CSMD2: variants seen among roughly 807,000 people sequenced by gnomAD.
CSMD2 encodes CUB and sushi domain-containing protein 2.
A neutral mutation model predicts 398.5 loss-of-function variants in CSMD2; 130 were observed. That is an observed-to-expected ratio of 0.33 (90% CI 0.28 to 0.38). The LOEUF (loss-of-function observed/expected upper bound fraction) is 0.38, where lower values mean the gene tolerates loss of function less well. Ranked by LOEUF, CSMD2 falls within the 10% of genes least tolerant of loss-of-function variation. CSMD2 has a pLI of 1.00. For missense variants in CSMD2, 3,829 were observed against 4,764.9 expected, an observed-to-expected ratio of 0.80 and a Z score of 5.78; for synonymous variants, 1,828 against 1,908.5, an observed-to-expected ratio of 0.96 and a Z score of 1.10.
intron 1 of CSMD2, among the ~76,000 whole-genome samples, chr1:34,146,722 GGAAGATGCATGACTGT>G (rs1446265980): frequency 6.6e-6 from 1 of 152,210 alleles, no homozygotes; most frequent in African/African-American, 2.4e-5. Flanking sequence ...TTCTGGCTTA[GGAAGATGCATGACTGT>G]GAAGATGCAT....
rs116757709 is a variant in CSMD2 at position 34,068,669 on chromosome 1, C to A, written c.404+20308G>T. On this transcript the variant is annotated intron_variant, in intron 2 of 70. Transcript: ENST00000373381. Reference sequence around the variant, plus strand: ...GTAACTGAGAACTGAACTCAGTTCCCCAAGATGTTGGTAATGGTTTGGCTG... The same window carrying A: ...GTAACTGAGAACTGAACTCAGTTCCACAAGATGTTGGTAATGGTTTGGCTG... 3.1e-3 allele frequency among the ~76,000 whole-genome samples: 473 copies of A among 152,256 alleles called. 1 individual carries two copies. Among genetic ancestry groups the A allele is most frequent in the African/African-American group, 0.011 (454 of 41,544 alleles).
At chr1:33,828,185 C>T (rs1315277896) in intron 6 of CSMD2, among the ~76,000 whole-genome samples, 1 of 152,210 alleles carries the variant, frequency 6.6e-6, no homozygotes, top group Non-Finnish European at 1.5e-5. Flanking sequence ...CCATGTGTAT[C>T]CAGCAGGAAA....
intron 60 of CSMD2, among the ~76,000 whole-genome samples, chr1:33,539,699 A>G (rs904106734): frequency 6.6e-6 from 1 of 152,144 alleles, no homozygotes; most frequent in Non-Finnish European, 1.5e-5. Context: ...ACCATAATTC[A>G]TTGTTAAAAG....
chr1:33,591,146 G>A lies in CSMD2; in HGVS notation c.6857-3978C>T, dbSNP rs149687310. On this transcript the variant is annotated intron_variant, in intron 44 of 70. Transcript: ENST00000373381. ...TGGGATTACAGGCATGCGCCACCAC[G>A]TCTGGCTAATTTTGTATTTTTAATA... Among the ~76,000 whole-genome samples, 875 of 151,782 alleles carry A rather than the reference G, an allele frequency of 5.8e-3. 11 individuals carry two copies. Among genetic ancestry groups the A allele is most frequent in the African/African-American group, 0.02 (821 of 41,386 alleles).
At chr1:33,631,920 G>A (rs2148903823) in intron 32 of CSMD2, among the ~76,000 whole-genome samples, 1 of 152,124 alleles carries the variant, frequency 6.6e-6, no homozygotes, top group South Asian at 2.1e-4. Context: ...GGGACTTATA[G>A]TACCATGTAT....
intron 3 of CSMD2, among the ~76,000 whole-genome samples, chr1:34,013,906 T>C (rs1164162815): frequency 6.6e-6 from 1 of 152,118 alleles, no homozygotes; most frequent in Non-Finnish European, 1.5e-5. Flanking sequence ...GTTCCTCCCA[T>C]ATTCCTGGCA....
At chr1:33,736,368 C>T (rs1450449752) in intron 15 of CSMD2, among the ~76,000 whole-genome samples, 1 of 151,750 alleles carries the variant, frequency 6.6e-6, no homozygotes, top group African/African-American at 2.4e-5. Flanking sequence ...GTAGTCCCAG[C>T]TACTTGGGAG....
intron 13 of CSMD2, among the ~76,000 whole-genome samples, chr1:33,755,412 A>C (rs2149284271): frequency 6.6e-6 from 1 of 152,336 alleles, no homozygotes; most frequent in African/African-American, 2.4e-5. Context: ...GGGCAAAGCT[A>C]GTTACTGGGC....
At chr1:33,738,363 G>A (rs963953493) in intron 15 of CSMD2, among the ~76,000 whole-genome samples, 14 of 152,052 alleles carry the variant, frequency 9.2e-5, no homozygotes, top group East Asian at 1.9e-4. Context: ...CACCTATTCC[G>A]TGCCAGGTAC....
intron 3 of CSMD2, among the ~76,000 whole-genome samples, chr1:33,969,663 A>G (rs1442837385): frequency 2.6e-5 from 4 of 152,332 alleles, no homozygotes; most frequent in African/African-American, 9.6e-5. Context: ...AATTAATGAA[A>G]AGGCAGAAAT....
chr1:33,877,783 G>T (rs1382006046), intron 5 of CSMD2, among the ~76,000 whole-genome samples: 1 of 152,048 alleles, frequency 6.6e-6, no homozygotes, highest in Non-Finnish European at 1.5e-5. Context: ...AGAAGAGAGA[G>T]ATGTTAAGTT....
At chr1:34,150,244 C>T (rs1224473373) in intron 1 of CSMD2, among the ~76,000 whole-genome samples, 3 of 151,788 alleles carry the variant, frequency 2.0e-5, no homozygotes, top group Non-Finnish European at 4.4e-5. Context: ...GCCACCACAC[C>T]CAGCTAATAT....
intron 39 of CSMD2, among the ~76,000 whole-genome samples, chr1:33,616,520 G>A (rs1005488453): frequency 6.6e-6 from 1 of 152,222 alleles, no homozygotes; most frequent in African/African-American, 2.4e-5. Context: ...TTACAGGCAT[G>A]AGCCACTGCA....
At chr1:34,042,354 A>G (rs2148191059) in intron 2 of CSMD2, among the ~76,000 whole-genome samples, 1 of 152,362 alleles carries the variant, frequency 6.6e-6, no homozygotes, top group Non-Finnish European at 1.5e-5. Context: ...CCCAAGGTCA[A>G]ATTGGCATGT....
intron 41 of CSMD2, among the ~76,000 whole-genome samples, chr1:33,610,557 T>C (rs1376364111): frequency 6.6e-6 from 1 of 152,166 alleles, no homozygotes; most frequent in Non-Finnish European, 1.5e-5. Context: ...GTGAGTGTGG[T>C]TGGGCCTCAC....
intron 1 of CSMD2, among the ~76,000 whole-genome samples, chr1:34,137,936 T>C (rs941160776): frequency 1.6e-4 from 24 of 152,208 alleles, no homozygotes; most frequent in African/African-American, 5.5e-4. Flanking sequence ...AGTCTGACTC[T>C]AAAGCTTCAG....
chr1:33,803,772 T>C (rs1453416501), intron 10 of CSMD2, among the ~76,000 whole-genome samples: 1 of 147,164 alleles, frequency 6.8e-6, no homozygotes, highest in African/African-American at 2.7e-5. Context: ...CTCCTTCCAG[T>C]ATCCACCTCT....
chr1:33,994,162 G>C (rs942900997), intron 3 of CSMD2, among the ~76,000 whole-genome samples: 1 of 152,176 alleles, frequency 6.6e-6, no homozygotes, highest in African/African-American at 2.4e-5. Context: ...GGCAGAGCCA[G>C]TAGGGAGATC....
Position 33,726,557 on chromosome 1 carries a change from T to C in CSMD2, c.2497A>G (p.Thr833Ala). Residue 833 changes from threonine (T) to alanine (A), a missense_variant, in exon 16 of 71, where the codon ACC (threonine) becomes GCC (alanine). By Grantham distance (58) the Thr-to-Ala change is moderately conservative. This residue lies in a region of CSMD2 where 2,001 missense variants were observed against 2,567.1 expected (regional missense o/e 0.78). Coordinates refer to ENST00000373381, the MANE Select transcript of CSMD2 (RefSeq NM_001281956.2). ...EAQPGYPIKITFDRFKTEVNY... is the reference protein window; with the variant it reads ...EAQPGYPIKIAFDRFKTEVNY... ...TGTGGTCACAAGCACCTGTCGAAGG[T>C]GATTTTGATGGGGTAGCCTGGCTGG... 3.1e-6 allele frequency: 5 copies of C among 1,609,778 alleles called. No homozygotes were observed. Among genetic ancestry groups the C allele is most frequent in the Non-Finnish European group, 4.2e-6 (5 of 1,177,306 alleles).
Sources: allele counts gnomAD v4.1 joint callset (sites outside exome capture counted in the v4.1 genomes callset), GRCh38; gene constraint gnomAD v4.1.1; regional missense constraint gnomAD v4.1.1; transcripts MANE v1.5; gene names NCBI Gene and HGNC (gene_info 2026-07-23, HGNC 2026-07-21).